KIFAP3: variants seen among roughly 807,000 people sequenced by gnomAD.
KIFAP3 encodes kinesin-associated protein 3.
Under a neutral mutation model 106.5 loss-of-function variants are expected in KIFAP3, and 68 were observed. That is an observed-to-expected ratio of 0.64 (90% CI 0.53 to 0.78). KIFAP3 has a LOEUF of 0.78. KIFAP3 is among the 30% of genes least tolerant of loss of function. The pLI, the probability that KIFAP3 is intolerant of heterozygous loss-of-function variation, is 0.00. For synonymous variants in KIFAP3, 320 were observed against 311.5 expected (o/e 1.03, Z -0.29); for missense variants, 780 against 941.8 (o/e 0.83, Z 2.25).
chr1:169,973,811 C>T (rs1558210121), intron 16 of KIFAP3, among the ~76,000 whole-genome samples: 1 of 151,738 alleles, frequency 6.6e-6, no homozygotes, highest in South Asian at 2.1e-4. Flanking sequence ...AGATAATATT[C>T]ACTAAGTATA....
intron 1 of KIFAP3, among the ~76,000 whole-genome samples, chr1:170,063,786 C>G (rs1373889002): frequency 6.6e-6 from 1 of 152,282 alleles, no homozygotes; most frequent in Admixed American, 6.5e-5. Flanking sequence ...ATTGCGGGAC[C>G]TTTCCCTGTC....
intron 9 of KIFAP3, 74 bp from the exon 10 acceptor site, chr1:170,016,698 C>T (rs1668541032): frequency 6.5e-6 from 6 of 928,330 alleles, no homozygotes; most frequent in Non-Finnish European, 9.4e-6. Context: ...ATTATTTTTT[C>T]TTTGTTTTTA....
At chr1:170,043,129 G>T (rs992385459) in intron 3 of KIFAP3, among the ~76,000 whole-genome samples, 1 of 152,108 alleles carries the variant, frequency 6.6e-6, no homozygotes, top group Non-Finnish European at 1.5e-5. Context: ...GGAATCAAAG[G>T]TTCCTTATCC....
intron 14 of KIFAP3, 101 bp from the exon 15 acceptor site, chr1:169,982,198 T>C: frequency 1.6e-6 from 2 of 1,213,214 alleles, no homozygotes; most frequent in Admixed American, 2.2e-5. Context: ...CTGAAAGCTA[T>C]TAAATCAAGT....
intron 11 of KIFAP3, among the ~76,000 whole-genome samples, chr1:169,987,291 G>C (rs1003518990): frequency 2.0e-5 from 3 of 152,022 alleles, no homozygotes; most frequent in Non-Finnish European, 4.4e-5. Flanking sequence ...TTCAGTCTGT[G>C]CGATGAAGAG....
intron 19 of KIFAP3, among the ~76,000 whole-genome samples, chr1:169,952,956 T>C (rs1170854867): frequency 6.6e-6 from 1 of 152,000 alleles, no homozygotes; most frequent in Non-Finnish European, 1.5e-5. Context: ...ATCTTACACA[T>C]AGAAAATAGC....
intron 5 of KIFAP3, among the ~76,000 whole-genome samples, chr1:170,035,879 A>G (rs1209903471): frequency 3.9e-5 from 6 of 152,008 alleles, no homozygotes; most frequent in Admixed American, 3.9e-4. Flanking sequence ...TAAGAACTGT[A>G]ATCTTCCTAC....
chr1:170,076,558 AC>A (rs1358895599), upstream of KIFAP3, among the ~76,000 whole-genome samples: 1 of 152,168 alleles, frequency 6.6e-6, no homozygotes, highest in Non-Finnish European at 1.5e-5. Flanking sequence ...GGAAAAAAGA[AC>A]CCCACTTCCA....
At chr1:169,976,973 C>T (rs1368069805) in intron 16 of KIFAP3, among the ~76,000 whole-genome samples, 3 of 152,024 alleles carry the variant, frequency 2.0e-5, no homozygotes, top group East Asian at 1.9e-4. Context: ...GATGCTCCCA[C>T]CTCAGGTTCC....
chr1:170,006,966 AAAG>A (rs1292926017), intron 10 of KIFAP3, among the ~76,000 whole-genome samples: 6 of 152,214 alleles, frequency 3.9e-5, no homozygotes, highest in Non-Finnish European at 7.4e-5. Context: ...TAGAAATTGT[AAAG>A]AAGAGGTGGA....
At chr1:169,985,238 T>G (rs2101916751) in intron 11 of KIFAP3, among the ~76,000 whole-genome samples, 1 of 151,978 alleles carries the variant, frequency 6.6e-6, no homozygotes, top group Admixed American at 6.6e-5. Context: ...ATAAAATTTG[T>G]GTCTCAAAAA....
intron 10 of KIFAP3, among the ~76,000 whole-genome samples, chr1:170,012,334 T>TA (rs1668284162): frequency 6.6e-6 from 1 of 152,092 alleles, no homozygotes; most frequent in African/African-American, 2.4e-5. Context: ...TGGCCCTGTA[T>TA]AATAAATTAT....
At chr1:169,954,806 T>C (rs1377942967) in intron 18 of KIFAP3, among the ~76,000 whole-genome samples, 1 of 152,206 alleles carries the variant, frequency 6.6e-6, no homozygotes. Context: ...TCTGATTACC[T>C]ACGCTAAATA....
At chr1:170,051,293 C>G (rs1201675835) in intron 2 of KIFAP3, among the ~76,000 whole-genome samples, 3 of 152,082 alleles carry the variant, frequency 2.0e-5, no homozygotes, top group South Asian at 2.1e-4. Context: ...ACCTAACTCT[C>G]CTAAATATAT....
At chr1:169,933,753 A>T (rs1663627771) in intron 19 of KIFAP3, among the ~76,000 whole-genome samples, 2 of 152,160 alleles carry the variant, frequency 1.3e-5, no homozygotes, top group South Asian at 4.1e-4. Flanking sequence ...TAATTTAAGG[A>T]CTAGCAATTA....
At chr1:169,937,476 T>C (rs1394950560) in intron 19 of KIFAP3, among the ~76,000 whole-genome samples, 2 of 151,830 alleles carry the variant, frequency 1.3e-5, no homozygotes, top group African/African-American at 2.4e-5. Context: ...AACAGACCAT[T>C]AGTTATAACC....
intron 7 of KIFAP3, among the ~76,000 whole-genome samples, chr1:170,032,609 G>C (rs375981494): frequency 6.6e-5 from 10 of 151,806 alleles, no homozygotes; most frequent in African/African-American, 2.4e-4. Flanking sequence ...TATGAGTCAA[G>C]CATATGACCC....
At chr1:169,982,427 G>C (rs1666572468) in intron 14 of KIFAP3, among the ~76,000 whole-genome samples, 1 of 151,804 alleles carries the variant, frequency 6.6e-6, no homozygotes, top group African/African-American at 2.4e-5. Context: ...GATGGTATTT[G>C]GTAATTTTAA....
At chr1:170,064,782 GTTC>G (rs1159958136) in intron 1 of KIFAP3, among the ~76,000 whole-genome samples, 1 of 152,152 alleles carries the variant, frequency 6.6e-6, no homozygotes, top group Non-Finnish European at 1.5e-5. Flanking sequence ...ATCATGTATT[GTTC>G]TTCTTTAATT....
Sources: gnomAD v4.1 joint callset for allele counts (sites outside exome capture counted in the v4.1 genomes callset) on GRCh38, gnomAD v4.1.1 for gene constraint, MANE v1.5 for transcripts, NCBI Gene and HGNC (gene_info 2026-07-23, HGNC 2026-07-21) for gene names.